The following BAZ2B variants were observed in gnomAD, a reference collection of about 807,000 sequenced individuals.
BAZ2B encodes the protein bromodomain adjacent to zinc finger domain protein 2B.
Under a neutral mutation model 246.0 loss-of-function variants are expected in BAZ2B, and 91 were observed. The ratio of observed to expected loss-of-function variants is 0.37; its 90% CI spans 0.31 to 0.44. The LOEUF is 0.44. Ranked by LOEUF, BAZ2B falls within the 20% of genes least tolerant of loss-of-function variation. The probability of loss-of-function intolerance (pLI) is 1.00; values close to 1 mark genes in which losing one functional copy is unlikely to be tolerated. For synonymous variants in BAZ2B, 855 were observed against 860.0 expected, an observed-to-expected ratio of 0.99 and a Z score of 0.10; for missense variants, 2,332 against 2,533.7, an observed-to-expected ratio of 0.92 and a Z score of 1.71.
Position 159,328,697 on chromosome 2 carries a change from G to A in BAZ2B, c.5944-2779C>T, listed in dbSNP as rs374266315. Reference sequence around the variant, plus strand: ...TCATGTCATTTACTTGGCTTTTGTAGGCACTGAAGTTTGAAATGTCTAATA... The same window carrying A: ...TCATGTCATTTACTTGGCTTTTGTAAGCACTGAAGTTTGAAATGTCTAATA... On this transcript the variant is annotated intron_variant, in intron 34 of 36. Transcript: ENST00000392783. 2.9e-3 allele frequency among the ~76,000 whole-genome samples: 446 copies of A among 152,242 alleles called. 4 individuals are homozygous for A. The highest frequency in any genetic ancestry group is 0.01 in the African/African-American group (433 of 41,540).
intron 2 of BAZ2B, among the ~76,000 whole-genome samples, chr2:159,545,787 ACT>A (rs1251626140): frequency 2.6e-5 from 4 of 152,244 alleles, no homozygotes; most frequent in African/African-American, 9.6e-5. Flanking sequence ...GGATCTAAGG[ACT>A]CTGTAACGTT....
intron 2 of BAZ2B, among the ~76,000 whole-genome samples, chr2:159,484,310 G>A (rs1386566107): frequency 1.3e-5 from 2 of 152,152 alleles, no homozygotes; most frequent in Non-Finnish European, 2.9e-5. Flanking sequence ...TGATTTTGAT[G>A]ACCCAAAGCT....
At chr2:159,413,262 T>C (rs2067112382) in intron 13 of BAZ2B, among the ~76,000 whole-genome samples, 1 of 152,248 alleles carries the variant, frequency 6.6e-6, no homozygotes, top group African/African-American at 2.4e-5. Context: ...AAATCCATTC[T>C]GTGGGAAATT....
chr2:159,668,302 C>T, the BAZ2B span, among the ~76,000 whole-genome samples: 5 of 152,096 alleles, frequency 3.3e-5, no homozygotes, highest in South Asian at 1.0e-3. Flanking sequence ...CACATTATTG[C>T]TGTTATTCTT....
At chr2:159,707,138 C>T in the BAZ2B span, among the ~76,000 whole-genome samples, 1 of 152,088 alleles carries the variant, frequency 6.6e-6, no homozygotes, top group African/African-American at 2.4e-5. Flanking sequence ...AGACAATACA[C>T]AATCTAAATT....
At chr2:159,624,877 A>C in the BAZ2B span, among the ~76,000 whole-genome samples, 1 of 152,036 alleles carries the variant, frequency 6.6e-6, no homozygotes, top group African/African-American at 2.4e-5. Flanking sequence ...GTAATAACAA[A>C]CTCCTCTGAG....
the BAZ2B span, among the ~76,000 whole-genome samples, chr2:159,646,518 G>T: frequency 6.6e-6 from 1 of 152,154 alleles, no homozygotes; most frequent in Non-Finnish European, 1.5e-5. Flanking sequence ...AATCACAAGG[G>T]TATTAATTGG....
rs528788233 is a variant in BAZ2B at position 159,442,567 on chromosome 2, T to C, written c.697-3355A>G. Among the ~76,000 whole-genome samples the C allele has an allele frequency of 5.3e-5, 8 of 152,314 alleles. No homozygotes were observed. The East Asian group carries it at 1.5e-3, about 29-fold the overall frequency. ...AACCATTTTAAAGTGTATGGTTCAG[T>C]GATATTAAATACATTCATAATGTTG... On this transcript the variant is annotated intron_variant, in intron 6 of 36. Coordinates refer to ENST00000392783, the MANE Select transcript of BAZ2B (RefSeq NM_013450.4).
intron 1 of BAZ2B, among the ~76,000 whole-genome samples, chr2:159,569,316 ATGAT>A (rs1486064936): frequency 1.3e-5 from 2 of 152,208 alleles, no homozygotes; most frequent in Admixed American, 6.5e-5. Context: ...AGATGAAACA[ATGAT>A]TGTTTGGGGA....
intron 2 of BAZ2B, among the ~76,000 whole-genome samples, chr2:159,549,586 C>T (rs1271460243): frequency 6.6e-6 from 1 of 152,030 alleles, no homozygotes; most frequent in African/African-American, 2.4e-5. Context: ...GTAACACGAA[C>T]GATAGCTGAT....
At chr2:159,662,889 ATT>A in the BAZ2B span, among the ~76,000 whole-genome samples, 1 of 152,056 alleles carries the variant, frequency 6.6e-6, no homozygotes, top group Non-Finnish European at 1.5e-5. Context: ...TCTTATTGTC[ATT>A]TTGATTTTCA....
At chr2:159,665,216 G>A in the BAZ2B span, among the ~76,000 whole-genome samples, 443 of 73,896 alleles carry the variant, frequency 6.0e-3, 4 homozygotes, top group African/African-American at 0.025. Flanking sequence ...ACAAACAAAT[G>A]GAAGAACATT....
At chr2:159,701,840 T>C in the BAZ2B span, among the ~76,000 whole-genome samples, 1 of 151,862 alleles carries the variant, frequency 6.6e-6, no homozygotes, top group Non-Finnish European at 1.5e-5. Context: ...GTGATTCTCC[T>C]GCCTTAGCCT....
intron 3 of BAZ2B, chr2:159,463,213 CA>C: frequency 1.9e-6 from 1 of 514,274 alleles, no homozygotes; most frequent in Non-Finnish European, 3.7e-6. Flanking sequence ...AGCAGCTATG[CA>C]TACCTTCTCC....
chr2:159,512,230 T>C (rs2083001182), intron 2 of BAZ2B, among the ~76,000 whole-genome samples: 1 of 152,220 alleles, frequency 6.6e-6, no homozygotes, highest in Admixed American at 6.5e-5. Context: ...CTGAATGACT[T>C]GCTCTTAAGT....
At chr2:159,386,245 G>A (rs748640062) in intron 22 of BAZ2B, 108 bp downstream of exon 22, 8 of 1,216,630 alleles carry the variant, frequency 6.6e-6, no homozygotes, top group South Asian at 1.7e-5. Context: ...GAGACATTAT[G>A]TGGAAAAATT....
chr2:159,430,870 T>C lies in BAZ2B; in HGVS notation c.2187A>G (p.Pro729=), dbSNP rs774482298. The part of the protein sequence containing the change: ...GTSSSTLTSS[P]HSGTSKRRRV... ...AAAATAAAGTGTAGGTACCAGAGTGTGGGCTTGAAGTAAGTGTGGAAGAAG... is the reference window on the plus strand; with the variant it reads ...AAAATAAAGTGTAGGTACCAGAGTGCGGGCTTGAAGTAAGTGTGGAAGAAG... The change falls in exon 10 of 37, where the codon CCA becomes CCG. Residue 729 remains proline (P), a synonymous_variant. Transcript: ENST00000392783. The C allele has an allele frequency of 7.5e-5, 121 of 1,613,082 alleles. 3 individuals are homozygous for C. In the East Asian group the frequency reaches 2.7e-3, roughly 36 times the overall value.
At chr2:159,315,973 A>G (rs1466373383), downstream of BAZ2B, among the ~76,000 whole-genome samples, 1 of 152,212 alleles carries the variant, frequency 6.6e-6, no homozygotes, top group Non-Finnish European at 1.5e-5. Flanking sequence ...CAAAAGAAAC[A>G]GAAACAGAAT....
intron 31 of BAZ2B, among the ~76,000 whole-genome samples, chr2:159,340,713 A>G (rs1212597896): frequency 1.3e-5 from 2 of 152,100 alleles, no homozygotes; most frequent in East Asian, 3.8e-4. Flanking sequence ...GACTGAGGGA[A>G]ACTGAAGGAA....
Sources: gnomAD v4.1 joint callset for allele counts (sites outside exome capture counted in the v4.1 genomes callset) on GRCh38, gnomAD v4.1.1 for gene constraint, MANE v1.5 for transcripts, NCBI Gene and HGNC (gene_info 2026-07-23, HGNC 2026-07-21) for gene names.